The following DNAJC8 variants were observed in gnomAD, a reference collection of about 807,000 sequenced individuals.
DNAJC8 encodes the protein dnaJ homolog subfamily C member 8.
Under a neutral mutation model 43.2 loss-of-function variants are expected in DNAJC8, and 24 were observed. The ratio of observed to expected loss-of-function variants is 0.56; its 90% confidence interval spans 0.40 to 0.78. The LOEUF (loss-of-function observed/expected upper bound fraction) is 0.78. Ranked by LOEUF, DNAJC8 falls within the 30% of genes least tolerant of loss-of-function variation. DNAJC8 has a pLI of 0.00. For missense variants in DNAJC8, 207 were observed against 299.4 expected (o/e 0.69, Z 2.28); for synonymous variants, 83 against 98.0 (o/e 0.85, Z 0.90).
At chr1:28,210,152 C>T in intron 4 of DNAJC8, 86 bp from the exon 5 acceptor site, 1 of 1,093,312 alleles carries the variant, frequency 9.1e-7, no homozygotes, top group Non-Finnish European at 1.4e-6. Flanking sequence ...TGGACTTGTG[C>T]TCTCTAAAGC....
chr1:28,218,958 G>A (rs1646880346), intron 2 of DNAJC8, among the ~76,000 whole-genome samples: 1 of 152,026 alleles, frequency 6.6e-6, no homozygotes, highest in South Asian at 2.1e-4. Context: ...GGAATCTCTA[G>A]GGGCAAACCA....
chr1:28,232,637 A>C (rs1053421950), intron 1 of DNAJC8, among the ~76,000 whole-genome samples: 8 of 151,680 alleles, frequency 5.3e-5, no homozygotes, highest in African/African-American at 1.9e-4. Flanking sequence ...CCAGCCCCCG[A>C]CTCCGCGGAC....
At chr1:28,227,005 T>C (rs2149024295) in intron 2 of DNAJC8, among the ~76,000 whole-genome samples, 1 of 149,778 alleles carries the variant, frequency 6.7e-6, no homozygotes, top group East Asian at 1.9e-4. Context: ...AATGTTAGTC[T>C]GTACTGAGTT....
chr1:28,212,272 CTTTTT>C (rs528978849), intron 3 of DNAJC8, among the ~76,000 whole-genome samples: 1 of 90,932 alleles, frequency 1.1e-5, no homozygotes, highest in African/African-American at 4.0e-5. Flanking sequence ...TTGTTCTATT[CTTTTT>C]TTTTTTTTTT....
In DNAJC8 at chr1:28,233,003, C is replaced by T; in HGVS notation, c.-5G>A. On this transcript the variant is annotated 5_prime_UTR_variant, in exon 1 of 9. Coordinates refer to ENST00000263697, the MANE Select transcript of DNAJC8 (RefSeq NM_014280.3). The stretch of plus-strand genomic sequence containing the variant: ...GCTCTCTCCTGAAGCCGCCATTTCC[C>T]CGGCCCAGCCACCACGTGACCCTTC... 6.2e-7 allele frequency: 1 copy of T among 1,611,460 alleles called. No homozygotes were observed. The highest frequency in any genetic ancestry group is 1.6e-4 in the Middle Eastern group (1 of 6,062).
In DNAJC8 at chr1:28,201,146, A is replaced by C; in HGVS notation, c.*102T>G. 6.5e-7 allele frequency: 1 copy of C among 1,531,000 alleles called. No homozygotes were observed. The highest frequency in any genetic ancestry group is 8.8e-7 in the Non-Finnish European group (1 of 1,130,950). The allele number at this position is 1,531,000 out of a possible 1,614,324, so 94.8% of individuals were successfully genotyped here. A position where few individuals can be genotyped will look rare whatever the true frequency, so the allele number is the denominator to read the frequency against. On this transcript the variant is annotated 3_prime_UTR_variant, in exon 9 of 9. Transcript: ENST00000263697. ...GAAAACAAAATGGACTAAAAAGCAA[A>C]TACTACTCTATGTTGGGGTGGAAGT... is the stretch of plus-strand genomic sequence containing the variant.
At position 28,213,913 on chromosome 1, in the gene DNAJC8, G is replaced by T. The variant is rs530630922; in HGVS notation, c.237+1027C>A. On this transcript the variant is annotated intron_variant, in intron 3 of 8. Coordinates refer to ENST00000263697, the MANE Select transcript of DNAJC8 (RefSeq NM_014280.3). Reference sequence around the variant, plus strand: ...CACCTGTAGTCCCAGCTACTGGGGAGGTTGAGGAGGGAGGATTGCTTAAAC... The same window carrying T: ...CACCTGTAGTCCCAGCTACTGGGGATGTTGAGGAGGGAGGATTGCTTAAAC... 1.8e-4 allele frequency among the ~76,000 whole-genome samples: 27 copies of T among 152,218 alleles called. No homozygotes were observed. In the East Asian group the frequency reaches 5.0e-3, roughly 28 times the overall value.
intron 6 of DNAJC8, among the ~76,000 whole-genome samples, chr1:28,206,160 C>A (rs1438894945): frequency 6.6e-6 from 1 of 151,998 alleles, no homozygotes; most frequent in Non-Finnish European, 1.5e-5. Context: ...CCACTGCACT[C>A]CAGCCTGGAC....
chr1:28,232,059 AT>A (rs987987806), intron 1 of DNAJC8, among the ~76,000 whole-genome samples: 4 of 150,280 alleles, frequency 2.7e-5, no homozygotes, highest in African/African-American at 4.9e-5. Flanking sequence ...CCAACCAAGA[AT>A]TTTTTTTTCT....
At position 28,200,620 on chromosome 1, in the gene DNAJC8, C is replaced by A; in HGVS notation, c.*628G>T. 2.2e-6 allele frequency: 1 copy of A among 456,216 alleles called. No individual in the cohort carries two copies. Among genetic ancestry groups the A allele is most frequent in the Non-Finnish European group, 4.4e-6 (1 of 226,816 alleles). 28.3% of individuals were successfully genotyped at this position (456,216 alleles called of 1,614,324 possible). On this transcript the variant is annotated 3_prime_UTR_variant, in exon 9 of 9. Transcript: ENST00000263697. ...ACTAACAAATGCAGACAGGCTAGGA[C>A]ATGGTACTGGGTGGAGGACGGCTAG...
chr1:28,208,261 T>C, intron 6 of DNAJC8, 81 bp downstream of exon 6: 1 of 984,174 alleles, frequency 1.0e-6, no homozygotes, highest in Non-Finnish European at 1.5e-6. Context: ...TTCATCATTC[T>C]TTTGGCTTCT....
intron 6 of DNAJC8, among the ~76,000 whole-genome samples, chr1:28,206,937 G>A (rs1472756854): frequency 6.6e-6 from 1 of 152,142 alleles, no homozygotes; most frequent in African/African-American, 2.4e-5. Flanking sequence ...AGGGATAAAG[G>A]AGTCTGTAAT....
intron 2 of DNAJC8, among the ~76,000 whole-genome samples, chr1:28,223,493 G>A (rs920128050): frequency 1.3e-5 from 2 of 152,144 alleles, no homozygotes; most frequent in Non-Finnish European, 2.9e-5. Context: ...GTACAGCGGG[G>A]TGAGGAGAGC....
intron 2 of DNAJC8, among the ~76,000 whole-genome samples, chr1:28,218,137 C>A (rs570427111): frequency 1.0e-4 from 15 of 149,456 alleles, no homozygotes; most frequent in African/African-American, 3.7e-4. Flanking sequence ...CTCTTGTTGC[C>A]CAGGCTAGAG....
chr1:28,217,262 A>C (rs990703256), intron 2 of DNAJC8, among the ~76,000 whole-genome samples: 3 of 152,008 alleles, frequency 2.0e-5, no homozygotes, highest in Non-Finnish European at 4.4e-5. Flanking sequence ...CTCTTGAGCA[A>C]CTAGGACTGT....
intron 7 of DNAJC8, among the ~76,000 whole-genome samples, chr1:28,204,411 T>C (rs1646755773): frequency 1.3e-5 from 2 of 151,936 alleles, no homozygotes; most frequent in African/African-American, 4.8e-5. Flanking sequence ...TGAAACCCCG[T>C]CTCTACTAAA....
chr1:28,230,238 A>G (rs892783757), intron 1 of DNAJC8: 9 of 152,234 alleles, frequency 5.9e-5, no homozygotes, highest in African/African-American at 2.2e-4. Flanking sequence ...GGTATGCTAT[A>G]TGCCATCTTT....
At chr1:28,227,102 C>CTTT (rs1557714119) in intron 2 of DNAJC8, among the ~76,000 whole-genome samples, 4 of 113,596 alleles carry the variant, frequency 3.5e-5, no homozygotes, top group South Asian at 2.7e-4. Flanking sequence ...TTCTCTCTCT[C>CTTT]TCTTTTTTTT....
chr1:28,232,030 C>T (rs1013296676), intron 1 of DNAJC8, among the ~76,000 whole-genome samples: 1 of 152,130 alleles, frequency 6.6e-6, no homozygotes, highest in African/African-American at 2.4e-5. Context: ...GCTGGGATTA[C>T]AGGCGTGAGC....
Sources: allele counts gnomAD v4.1 joint callset (sites outside exome capture counted in the v4.1 genomes callset), GRCh38; gene constraint gnomAD v4.1.1; transcripts MANE v1.5; gene names NCBI Gene and HGNC (gene_info 2026-07-23, HGNC 2026-07-21).